E2F3: variants seen among roughly 807,000 people sequenced by gnomAD.
E2F3 encodes E2F transcription factor 3.
Under a neutral mutation model 44.4 loss-of-function variants are expected in E2F3, and 11 were observed. That is an observed-to-expected ratio of 0.25 (90% CI 0.16 to 0.41). The LOEUF (loss-of-function observed/expected upper bound fraction) is 0.41. Ranked by LOEUF, E2F3 falls within the 10% of genes least tolerant of loss-of-function variation. E2F3 has a pLI of 1.00. For synonymous variants in E2F3, 249 were observed against 253.0 expected (o/e 0.98, Z 0.15); for missense variants, 487 against 583.6 (o/e 0.83, Z 1.70).
intron 1 of E2F3, among the ~76,000 whole-genome samples, chr6:20,465,794 G>A (rs1350874115): frequency 2.0e-5 from 3 of 151,290 alleles, no homozygotes; most frequent in Admixed American, 2.0e-4. Context: ...TTTTATGGCT[G>A]AGTAGTATTC....
intron 1 of E2F3, among the ~76,000 whole-genome samples, chr6:20,407,247 G>T (rs1004226785): frequency 3.3e-5 from 5 of 152,150 alleles, no homozygotes; most frequent in African/African-American, 9.7e-5. Context: ...CCCCAAAATG[G>T]AAGTTTTAAT....
chr6:20,421,912 C>T (rs1760042348), intron 1 of E2F3: 1 of 152,328 alleles, frequency 6.6e-6, no homozygotes, highest in Non-Finnish European at 1.5e-5. Flanking sequence ...CTTAAGGGCC[C>T]TAGGGTTTTT....
chr6:20,435,838 G>T (rs1286122339), intron 1 of E2F3, among the ~76,000 whole-genome samples: 2 of 152,064 alleles, frequency 1.3e-5, no homozygotes, highest in Non-Finnish European at 2.9e-5. Flanking sequence ...TGCTCCTTTT[G>T]TTGTTATATA....
intron 1 of E2F3, among the ~76,000 whole-genome samples, chr6:20,432,207 T>C (rs1454354917): frequency 6.6e-6 from 1 of 152,244 alleles, no homozygotes; most frequent in Non-Finnish European, 1.5e-5. Flanking sequence ...CCCAACATAA[T>C]TGGCCTCAAG....
chr6:20,481,206 C>A lies in E2F3; in HGVS notation c.506C>A (p.Thr169Asn), dbSNP rs1229935099. The change falls in exon 3 of 7, where the codon ACT becomes AAT. Residue 169 changes from threonine to asparagine, a missense_variant and splice_region_variant. This residue lies in a region of E2F3 where 238 missense variants were observed against 236.0 expected (regional missense o/e 1.01). Transcript: ENST00000346618. The part of the protein sequence containing the change: ...AALRSPDSPK[T>N]PKSPSEKTRY... ...CGCTCGGTTTTTGTTTTTCTTTAAG[C>A]TCCAAAATCTCCCTCAGAAAAAACG... 4.3e-6 allele frequency: 7 copies of A among 1,613,226 alleles called. No homozygotes were observed. In the Admixed American group the frequency reaches 1.2e-4, roughly 27 times the overall value.
intron 1 of E2F3, among the ~76,000 whole-genome samples, chr6:20,406,103 A>G (rs989402813): frequency 6.6e-6 from 1 of 152,192 alleles, no homozygotes; most frequent in Non-Finnish European, 1.5e-5. Context: ...TTGCAGACCT[A>G]TCTGGTTCTG....
At chr6:20,487,846 G>A (rs776966843) in intron 5 of E2F3, among the ~76,000 whole-genome samples, 8 of 152,106 alleles carry the variant, frequency 5.3e-5, no homozygotes, top group Admixed American at 2.0e-4. Flanking sequence ...AACAGCCAGA[G>A]GCAATAATAA....
intron 1 of E2F3, among the ~76,000 whole-genome samples, chr6:20,447,196 C>T (rs1333426048): frequency 1.3e-5 from 2 of 152,126 alleles, no homozygotes; most frequent in Non-Finnish European, 2.9e-5. Context: ...AAGAGTATGA[C>T]CAGCCAGTGC....
intron 1 of E2F3, among the ~76,000 whole-genome samples, chr6:20,464,771 A>T (rs1339155943): frequency 6.6e-6 from 1 of 152,202 alleles, no homozygotes; most frequent in Admixed American, 6.5e-5. Flanking sequence ...TTTCTTATGA[A>T]GTGTGTTCAA....
chr6:20,468,534 C>T (rs567135734), intron 1 of E2F3, among the ~76,000 whole-genome samples: 2 of 152,196 alleles, frequency 1.3e-5, no homozygotes, highest in African/African-American at 2.4e-5. Context: ...GGAAGCTCTC[C>T]GTACCCTGTC....
intron 1 of E2F3, among the ~76,000 whole-genome samples, chr6:20,466,442 T>C (rs375235498): frequency 2.0e-5 from 3 of 152,288 alleles, no homozygotes; most frequent in African/African-American, 7.2e-5. Context: ...ATTATGGCCA[T>C]TCTTGCAGAA....
intron 1 of E2F3, among the ~76,000 whole-genome samples, chr6:20,468,752 T>C (rs1719081104): frequency 6.6e-6 from 1 of 152,150 alleles, no homozygotes; most frequent in Non-Finnish European, 1.5e-5. Flanking sequence ...TTCATTCAAA[T>C]CATCAGCACA....
At chr6:20,427,191 T>C (rs1305449524) in intron 1 of E2F3, among the ~76,000 whole-genome samples, 3 of 152,230 alleles carry the variant, frequency 2.0e-5, no homozygotes, top group East Asian at 3.8e-4. Flanking sequence ...TCCAGCCTAA[T>C]AGCATTTCTT....
intron 2 of E2F3, 76 bp from the exon 3 acceptor site, chr6:20,481,130 T>C: frequency 7.2e-7 from 1 of 1,380,060 alleles, no homozygotes. Flanking sequence ...GAGAGCTTGC[T>C]TGACTGCAAA....
chr6:20,480,905 C>T (rs373245464), intron 2 of E2F3, among the ~76,000 whole-genome samples: 3 of 152,112 alleles, frequency 2.0e-5, no homozygotes, highest in Non-Finnish European at 2.9e-5. Context: ...TTTTAGCGCC[C>T]GCTATATGTA....
At chr6:20,419,765 C>T (rs1759964697) in intron 1 of E2F3, among the ~76,000 whole-genome samples, 1 of 152,076 alleles carries the variant, frequency 6.6e-6, no homozygotes, top group South Asian at 2.1e-4. Flanking sequence ...GGGGTTTCAC[C>T]GTGTTGCCCA....
intron 1 of E2F3, among the ~76,000 whole-genome samples, chr6:20,466,775 C>T (rs1281813820): frequency 4.0e-5 from 6 of 151,582 alleles, no homozygotes; most frequent in South Asian, 2.1e-4. Flanking sequence ...CTCCGCCTGC[C>T]GGGTTCAAGC....
chr6:20,421,955 T>C (rs1037220900), intron 1 of E2F3: 3 of 152,250 alleles, frequency 2.0e-5, no homozygotes, highest in Non-Finnish European at 2.9e-5. Context: ...TTCAACTTAA[T>C]GTCACCAATT....
At chr6:20,427,103 G>A (rs1274813953) in intron 1 of E2F3, among the ~76,000 whole-genome samples, 1 of 152,144 alleles carries the variant, frequency 6.6e-6, no homozygotes, top group African/African-American at 2.4e-5. Context: ...AATGTTAGCT[G>A]GGGTTTTTGC....
Sources: allele counts gnomAD v4.1 joint callset (sites outside exome capture counted in the v4.1 genomes callset), GRCh38; gene constraint gnomAD v4.1.1; regional missense constraint gnomAD v4.1.1; transcripts MANE v1.5; gene names NCBI Gene and HGNC (gene_info 2026-07-23, HGNC 2026-07-21).